The following KCNN2 variants were observed in gnomAD, a reference collection of about 807,000 sequenced individuals.
The protein encoded by KCNN2 is potassium calcium-activated channel subfamily N member 2, also known as small conductance calcium-activated potassium channel protein 2.
KCNN2 carries 24 observed loss-of-function variants against 55.5 expected under a neutral mutation model. That is an observed-to-expected ratio of 0.43 (90% CI 0.31 to 0.61). The LOEUF is 0.61. Among genes scored for constraint, KCNN2 ranks in the 20% least tolerant of loss-of-function variants. KCNN2 has a pLI of 0.08. For missense variants in KCNN2, 754 were observed against 853.6 expected (o/e 0.88, Z 1.45); for synonymous variants, 431 against 336.1 (o/e 1.28, Z -3.09).
chr5:114,482,095 A>G (rs1390962970), intron 5 of KCNN2, among the ~76,000 whole-genome samples: 1 of 152,190 alleles, frequency 6.6e-6, no homozygotes, highest in Non-Finnish European at 1.5e-5. Flanking sequence ...TGAACAGACA[A>G]CCTACAGAAT....
chr5:114,398,114 C>T (rs1336371126), intron 2 of KCNN2, among the ~76,000 whole-genome samples: 1 of 152,100 alleles, frequency 6.6e-6, no homozygotes, highest in Non-Finnish European at 1.5e-5. Flanking sequence ...GGTCGTATGT[C>T]CAGAATGATA....
chr5:114,081,427 G>A (rs1750817886), intron 1 of KCNN2, among the ~76,000 whole-genome samples: 1 of 152,100 alleles, frequency 6.6e-6, no homozygotes, highest in South Asian at 2.1e-4. Flanking sequence ...TGTAGTACTG[G>A]CATACAGACA....
At chr5:114,360,765 C>G (rs1388693755), upstream of KCNN2, among the ~76,000 whole-genome samples, 1 of 152,148 alleles carries the variant, frequency 6.6e-6, no homozygotes, top group Non-Finnish European at 1.5e-5. Context: ...CAGCACTGTC[C>G]GTGGGCAGCG....
At chr5:114,464,920 A>G (rs1481527021) in intron 4 of KCNN2, among the ~76,000 whole-genome samples, 1 of 152,090 alleles carries the variant, frequency 6.6e-6, no homozygotes, top group Non-Finnish European at 1.5e-5. Context: ...TGGGAAATGT[A>G]ATTTGCATAG....
intron 2 of KCNN2, among the ~76,000 whole-genome samples, chr5:114,243,818 A>G (rs181392819): frequency 2.0e-5 from 3 of 152,334 alleles, no homozygotes; most frequent in Admixed American, 6.5e-5. Context: ...TACTGTACTT[A>G]TGTTACAGAA....
At chr5:114,327,712 C>T (rs1251902306) in intron 2 of KCNN2, among the ~76,000 whole-genome samples, 1 of 152,096 alleles carries the variant, frequency 6.6e-6, no homozygotes, top group East Asian at 1.9e-4. Context: ...GTGCTTTCTC[C>T]TTCTGTGTTA....
intron 2 of KCNN2, among the ~76,000 whole-genome samples, chr5:114,261,838 C>G (rs1332808908): frequency 6.6e-6 from 1 of 152,132 alleles, no homozygotes; most frequent in Admixed American, 6.5e-5. Context: ...TCAGTGAGGA[C>G]CCACTGGGCA....
rs74819081 is a variant in KCNN2 at position 114,228,844 on chromosome 5, T to C, written c.-185+7279T>C. Among the ~76,000 whole-genome samples the C allele has an allele frequency of 8.7e-3, 1,329 of 152,184 alleles. 22 individuals carry two copies. The highest frequency in any genetic ancestry group is 0.029 in the African/African-American group (1,218 of 41,582). Reference sequence around the variant, plus strand: ...TCATGTTTTTCTTTTACACATAAAATTTGTCATTTATATTTTCTCTTTAAA... The same window carrying C: ...TCATGTTTTTCTTTTACACATAAAACTTGTCATTTATATTTTCTCTTTAAA... On this transcript the variant is annotated intron_variant, in intron 2 of 10. Transcript: ENST00000512097.
intron 2 of KCNN2, among the ~76,000 whole-genome samples, chr5:114,315,502 ATTC>A (rs1756485645): frequency 1.3e-5 from 2 of 150,890 alleles, no homozygotes; most frequent in Admixed American, 6.6e-5. Flanking sequence ...AAAGTGGACT[ATTC>A]TTATTATTTG....
intron 1 of KCNN2, among the ~76,000 whole-genome samples, chr5:114,183,733 T>C (rs1753280133): frequency 6.6e-6 from 1 of 152,068 alleles, no homozygotes; most frequent in African/African-American, 2.4e-5. Flanking sequence ...TCTCCTTTTT[T>C]TTTTTCTTTT....
intron 1 of KCNN2, among the ~76,000 whole-genome samples, chr5:114,074,536 A>G (rs1454331240): frequency 2.0e-5 from 3 of 152,194 alleles, no homozygotes; most frequent in Non-Finnish European, 4.4e-5. Context: ...CTCATTTCAG[A>G]TTTATTCAGG....
At chr5:114,337,777 T>C (rs1007323878) in intron 2 of KCNN2, among the ~76,000 whole-genome samples, 1 of 152,210 alleles carries the variant, frequency 6.6e-6, no homozygotes, top group Non-Finnish European at 1.5e-5. Flanking sequence ...AATTTTACCC[T>C]GTAGAGCTCA....
chr5:114,430,044 C>T (rs894914648), intron 3 of KCNN2, among the ~76,000 whole-genome samples: 29 of 151,854 alleles, frequency 1.9e-4, no homozygotes, highest in African/African-American at 6.3e-4. Flanking sequence ...TACTAAGTCT[C>T]GAAGTCAAAT....
At chr5:114,164,883 A>G (rs1165282291) in intron 1 of KCNN2, among the ~76,000 whole-genome samples, 4 of 152,188 alleles carry the variant, frequency 2.6e-5, no homozygotes, top group African/African-American at 9.6e-5. Context: ...GTTAGCACTT[A>G]TTGAGTGCTT....
chr5:114,346,854 G>A (rs566575029), intron 2 of KCNN2, among the ~76,000 whole-genome samples: 4 of 151,362 alleles, frequency 2.6e-5, no homozygotes, highest in East Asian at 3.9e-4. Context: ...GTTAAGCCTC[G>A]AACATCTTGT....
chr5:114,457,635 T>A (rs2125773), intron 3 of KCNN2, among the ~76,000 whole-genome samples: 2 of 152,076 alleles, frequency 1.3e-5, no homozygotes, highest in African/African-American at 4.8e-5. Context: ...GTTTTCAGCT[T>A]AATAATCAAG....
chr5:114,327,571 G>C (rs1416289776), intron 2 of KCNN2, among the ~76,000 whole-genome samples: 1 of 152,164 alleles, frequency 6.6e-6, no homozygotes, highest in African/African-American at 2.4e-5. Context: ...AAAAAATTGA[G>C]TAGGACGCAG....
In KCNN2 at chr5:114,209,354, A is replaced by G. The variant is rs75097729; in HGVS notation, c.-270-12126A>G. On this transcript the variant is annotated intron_variant, in intron 1 of 10. Transcript: ENST00000512097. ...CTCCTTAAATGTCACTATTCCTTTA[A>G]ATTCCATTTCCTTTTCTTCTTACTC... 2.3e-4 allele frequency among the ~76,000 whole-genome samples: 35 copies of G among 151,960 alleles called. No homozygotes were observed. In the East Asian group the frequency reaches 5.8e-3, roughly 25 times the overall value.
At chr5:114,494,259 G>GTTT (rs5870615) in intron 7 of KCNN2, among the ~76,000 whole-genome samples, 1 of 149,748 alleles carries the variant, frequency 6.7e-6, no homozygotes, top group African/African-American at 2.5e-5. Flanking sequence ...CTTACAAACT[G>GTTT]TTTTTTTTTG....
Sources: allele counts gnomAD v4.1 joint callset (sites outside exome capture counted in the v4.1 genomes callset), GRCh38; gene constraint gnomAD v4.1.1; transcripts MANE v1.5; gene names NCBI Gene and HGNC (gene_info 2026-07-23, HGNC 2026-07-21).